REEP1: variants seen among roughly 807,000 people sequenced by gnomAD.
The protein encoded by REEP1 is receptor expression-enhancing protein 1.
In REEP1, 22 loss-of-function variants were observed where a neutral mutation model predicts 40.3. The observed-to-expected ratio is 0.55, with a 90% confidence interval of 0.39 to 0.78. The LOEUF (loss-of-function observed/expected upper bound fraction) is 0.78. Among genes scored for constraint, REEP1 ranks in the 30% least tolerant of loss-of-function variants. The pLI, the probability that REEP1 is intolerant of heterozygous loss-of-function variation, is 0.00. For missense variants in REEP1, 280 were observed against 361.1 expected (o/e 0.78, Z 1.82); for synonymous variants, 116 against 139.2 (o/e 0.83, Z 1.17).
In REEP1 at chr2:86,265,129, C is replaced by T. The variant is rs537984456; in HGVS notation, c.106-1088G>A. 7.2e-5 allele frequency among the ~76,000 whole-genome samples: 11 copies of T among 152,202 alleles called. No homozygotes were observed. In the East Asian group the frequency reaches 1.7e-3, roughly 24 times the overall value. On this transcript the variant is annotated intron_variant, in intron 2 of 8. Coordinates refer to ENST00000538924, the MANE Select transcript of REEP1 (RefSeq NM_001371279.1). ...GCACAGAAGCAGGTAAGACTCCAAGCGAAGAAGTCTGTATAATAATATAGA... is the reference window on the plus strand; with the variant it reads ...GCACAGAAGCAGGTAAGACTCCAAGTGAAGAAGTCTGTATAATAATATAGA...
intron 1 of REEP1, among the ~76,000 whole-genome samples, chr2:86,296,734 G>A (rs1679001913): frequency 1.3e-5 from 2 of 152,126 alleles, no homozygotes; most frequent in Non-Finnish European, 2.9e-5. Context: ...GCAGGCACCT[G>A]TAATCCCAGC....
intron 1 of REEP1, among the ~76,000 whole-genome samples, chr2:86,298,642 G>C (rs1679109861): frequency 6.6e-6 from 1 of 152,186 alleles, no homozygotes; most frequent in South Asian, 2.1e-4. Flanking sequence ...GCATGAACTG[G>C]GCCCTCTACC....
intron 1 of REEP1, among the ~76,000 whole-genome samples, chr2:86,323,713 C>T (rs1358995136): frequency 6.6e-6 from 1 of 152,202 alleles, no homozygotes; most frequent in Admixed American, 6.5e-5. Flanking sequence ...CACTAAGGCA[C>T]TCTTTAAGGA....
chr2:86,254,048 A>G (rs1676418704), intron 4 of REEP1, among the ~76,000 whole-genome samples: 1 of 152,246 alleles, frequency 6.6e-6, no homozygotes, highest in Admixed American at 6.5e-5. Context: ...TAATCTAAAT[A>G]TCTAGCAGTA....
chr2:86,280,245 A>G (rs1373751913), intron 2 of REEP1, among the ~76,000 whole-genome samples: 1 of 152,232 alleles, frequency 6.6e-6, no homozygotes, highest in Non-Finnish European at 1.5e-5. Context: ...CTTTTTTACC[A>G]AGAAACCTAA....
intron 1 of REEP1, among the ~76,000 whole-genome samples, chr2:86,307,930 T>C (rs935421959): frequency 6.6e-6 from 1 of 152,230 alleles, no homozygotes; most frequent in African/African-American, 2.4e-5. Context: ...TGTGGTAGGA[T>C]GATGGAAAGA....
chr2:86,328,013 C>A (rs764957345), intron 1 of REEP1, among the ~76,000 whole-genome samples: 6 of 152,014 alleles, frequency 3.9e-5, no homozygotes, highest in Non-Finnish European at 7.4e-5. Flanking sequence ...GGTAGACAGG[C>A]GAGTATTTTG....
chr2:86,320,458 T>C (rs549641256), intron 1 of REEP1, among the ~76,000 whole-genome samples: 1 of 151,846 alleles, frequency 6.6e-6, no homozygotes, highest in Non-Finnish European at 1.5e-5. Flanking sequence ...AAGCTCACAG[T>C]GAAAGAAAAG....
intron 1 of REEP1, among the ~76,000 whole-genome samples, chr2:86,282,722 C>T (rs1415562052): frequency 6.6e-6 from 1 of 152,192 alleles, no homozygotes; most frequent in Non-Finnish European, 1.5e-5. Flanking sequence ...TAAATCCAAT[C>T]AGGCCAAGCC....
At chr2:86,307,221 A>T (rs929664338) in intron 1 of REEP1, among the ~76,000 whole-genome samples, 2 of 151,440 alleles carry the variant, frequency 1.3e-5, no homozygotes, top group Non-Finnish European at 2.9e-5. Flanking sequence ...AAAAAAAGTC[A>T]CACCTATTTA....
chr2:86,232,722 AG>A lies in REEP1; in HGVS notation c.497del (p.Ala166ValfsTer51). 6.2e-7 allele frequency: 1 copy of A among 1,609,812 alleles called. No individual in the cohort carries two copies. Among genetic ancestry groups the A allele is most frequent in the Non-Finnish European group, 8.5e-7 (1 of 1,179,968 alleles). The stretch of plus-strand genomic sequence containing the variant: ...ACCCCGGTGGTGGGGGGCCCGAGGG[AG>A]CAGGGGCGCCGTCTCCCCTGATGGT... ...LTTIRGDGAPAPSGPPPPGSG... is the reference protein window; with the variant it reads ...LTTIRGDGAPXPSGPPPPGSG... On this transcript the variant is annotated frameshift_variant, in exon 6 of 9. Transcript: ENST00000538924. LOFTEE classifies it high-confidence loss of function.
chr2:86,312,438 A>G (rs1304888247), intron 1 of REEP1, among the ~76,000 whole-genome samples: 1 of 152,180 alleles, frequency 6.6e-6, no homozygotes, highest in Non-Finnish European at 1.5e-5. Context: ...TGCACTATAA[A>G]TGATCCATTC....
intron 3 of REEP1, among the ~76,000 whole-genome samples, chr2:86,262,621 G>A (rs988967747): frequency 7.2e-5 from 11 of 152,204 alleles, no homozygotes; most frequent in African/African-American, 1.2e-4. Flanking sequence ...GGCCTAGGAC[G>A]TCCCAGAGGG....
At chr2:86,223,464 G>C (rs933552306) in intron 7 of REEP1, 10 of 152,288 alleles carry the variant, frequency 6.6e-5, no homozygotes, top group African/African-American at 2.4e-4. Flanking sequence ...GTCTGCAGAA[G>C]AGCACGCCTG....
chr2:86,217,200 T>TC (rs1160132610), intron 8 of REEP1, 90 bp from the exon 9 acceptor site: 1 of 1,140,632 alleles, frequency 8.8e-7, no homozygotes, highest in African/African-American at 1.5e-5. Flanking sequence ...TGTTGAGACT[T>TC]CCAGCTCCTT....
chr2:86,253,745 T>G (rs1367638184), intron 4 of REEP1, among the ~76,000 whole-genome samples: 1 of 152,212 alleles, frequency 6.6e-6, no homozygotes, highest in Non-Finnish European at 1.5e-5. Flanking sequence ...AGCCTGCTCA[T>G]CCAACGGATA....
intron 1 of REEP1, among the ~76,000 whole-genome samples, chr2:86,287,621 A>G (rs1574084471): frequency 6.6e-6 from 1 of 152,216 alleles, no homozygotes; most frequent in Non-Finnish European, 1.5e-5. Context: ...TTAATCTCCA[A>G]GACTGTTTTC....
intron 4 of REEP1, among the ~76,000 whole-genome samples, chr2:86,253,750 C>A (rs962362862): frequency 2.0e-5 from 3 of 152,220 alleles, no homozygotes; most frequent in Admixed American, 1.3e-4. Context: ...GCTCATCCAA[C>A]GGATATGTTT....
intron 3 of REEP1, 101 bp from the exon 4 acceptor site, chr2:86,254,915 G>T: frequency 2.3e-6 from 3 of 1,308,178 alleles, no homozygotes; most frequent in Non-Finnish European, 3.2e-6. Flanking sequence ...TCTCCTGCTT[G>T]CATGTGGCTG....
Sources: gnomAD v4.1 joint callset for allele counts (sites outside exome capture counted in the v4.1 genomes callset) on GRCh38, gnomAD v4.1.1 for gene constraint, MANE v1.5 for transcripts, NCBI Gene and HGNC (gene_info 2026-07-23, HGNC 2026-07-21) for gene names.